The following ADGRL1 variants were observed in gnomAD, a reference collection of about 807,000 sequenced individuals.
ADGRL1 encodes the protein adhesion G protein-coupled receptor L1.
A neutral mutation model predicts 148.9 loss-of-function variants in ADGRL1; 31 were observed. That is an observed-to-expected ratio of 0.21 (90% CI 0.16 to 0.28). ADGRL1 has a LOEUF of 0.28. Ranked by LOEUF, ADGRL1 falls within the 10% of genes least tolerant of loss-of-function variation. The pLI, the probability that ADGRL1 is intolerant of heterozygous loss-of-function variation, is 1.00. For synonymous variants in ADGRL1, 937 were observed against 900.3 expected, an observed-to-expected ratio of 1.04 and a Z score of -0.73; for missense variants, 1,521 against 2,058.8, an observed-to-expected ratio of 0.74 and a Z score of 5.05.
chr19:14,179,744 C>T (rs1789431126), intron 2 of ADGRL1, among the ~76,000 whole-genome samples: 1 of 151,790 alleles, frequency 6.6e-6, no homozygotes, highest in South Asian at 2.1e-4. Flanking sequence ...CCCATCTCTA[C>T]TTAAAAAACT....
chr19:14,193,922 C>T (rs1336913766), intron 1 of ADGRL1, among the ~76,000 whole-genome samples: 5 of 152,216 alleles, frequency 3.3e-5, no homozygotes, highest in Non-Finnish European at 5.9e-5. Context: ...TGATCTTGGA[C>T]TTCCAACCTC....
At chr19:14,192,397 C>T (rs146028819) in intron 1 of ADGRL1, among the ~76,000 whole-genome samples, 5 of 151,904 alleles carry the variant, frequency 3.3e-5, no homozygotes, top group Non-Finnish European at 7.4e-5. Context: ...CACGCCACCA[C>T]GCCTGCCTAA....
chr19:14,166,622 T>G (rs1599437850), intron 4 of ADGRL1, among the ~76,000 whole-genome samples: 1 of 151,102 alleles, frequency 6.6e-6, no homozygotes, highest in Non-Finnish European at 1.5e-5. Context: ...GGTGCCCCAG[T>G]GGGGGAGCCG....
chr19:14,190,599 A>G (rs1391792902), intron 1 of ADGRL1, among the ~76,000 whole-genome samples: 1 of 152,134 alleles, frequency 6.6e-6, no homozygotes, highest in East Asian at 1.9e-4. Flanking sequence ...GAAAGCTTGT[A>G]CCCTTTGACC....
At chr19:14,204,487 G>C (rs1972829459) in intron 1 of ADGRL1, among the ~76,000 whole-genome samples, 2 of 152,050 alleles carry the variant, frequency 1.3e-5, no homozygotes, top group African/African-American at 2.4e-5. Flanking sequence ...TCTGGGGTCA[G>C]GTTAGACTCA....
chr19:14,183,218 C>CGAGAGAGAGAGAGAGAGA (rs1262220395), intron 2 of ADGRL1, among the ~76,000 whole-genome samples: 1 of 124,868 alleles, frequency 8.0e-6, no homozygotes, highest in Non-Finnish European at 1.9e-5. Flanking sequence ...AGAGAGAGAG[C>CGAGAGAGAGAGAGAGAGA]GAGAGAGAGA....
At chr19:14,183,139 C>T (rs1206559637) in intron 2 of ADGRL1, among the ~76,000 whole-genome samples, 2 of 151,668 alleles carry the variant, frequency 1.3e-5, no homozygotes, top group African/African-American at 4.8e-5. Context: ...TAAACGTCAG[C>T]GGGCATGCTT....
Position 14,158,511 on chromosome 19 carries a change from G to A in ADGRL1, c.2191C>T (p.Leu731Phe). ...VVFILYNNLG[L>F]FLSTENATVK... is the part of the protein sequence containing the mutation. ...GTGGCATTCTCCGTGGACAGGAAGA[G>A]GCCCAGGTTGTTGTAGAGGATGAAG... Residue 731 changes from leucine (L) to phenylalanine (F), a missense_variant, in exon 12 of 23, where the codon CTC becomes TTC. Leu to Phe is a conservative substitution (Grantham distance 22, BLOSUM62 0). Transcript: ENST00000361434. 1.2e-6 allele frequency: 2 copies of A among 1,614,094 alleles called. No homozygotes were observed. The highest frequency in any genetic ancestry group is 2.2e-5 in the East Asian group (1 of 44,884).
chr19:14,163,931 C>T (rs1034669099), intron 4 of ADGRL1, among the ~76,000 whole-genome samples: 4 of 150,946 alleles, frequency 2.6e-5, no homozygotes, highest in African/African-American at 9.7e-5. Flanking sequence ...CCTTCACCAA[C>T]CACACCCGGA....
chr19:14,204,067 A>G (rs1303281417), intron 1 of ADGRL1, among the ~76,000 whole-genome samples: 6 of 152,068 alleles, frequency 3.9e-5, no homozygotes, highest in Non-Finnish European at 7.4e-5. Context: ...CCAGCCATGG[A>G]ATTAGTTCCC....
At chr19:14,203,196 G>T (rs897419146) in intron 1 of ADGRL1, among the ~76,000 whole-genome samples, 3 of 152,182 alleles carry the variant, frequency 2.0e-5, no homozygotes, top group Non-Finnish European at 4.4e-5. Context: ...CCCTCCCCCT[G>T]CCTCCCCACA....
At chr19:14,166,623 G>C (rs576619730) in intron 4 of ADGRL1, among the ~76,000 whole-genome samples, 6 of 152,088 alleles carry the variant, frequency 3.9e-5, no homozygotes, top group Non-Finnish European at 8.8e-5. Context: ...GTGCCCCAGT[G>C]GGGGAGCCGG....
At position 14,170,794 on chromosome 19, in the gene ADGRL1, T is replaced by C; in HGVS notation, c.285-3A>G. 1.3e-6 allele frequency: 2 copies of C among 1,491,406 alleles called. No homozygotes were observed. The highest frequency in any genetic ancestry group is 1.9e-6 in the Non-Finnish European group (2 of 1,074,742). The allele number at this position is 1,491,406 out of a possible 1,614,324, so 92.4% of individuals were successfully genotyped here. A position where few individuals can be genotyped will look rare whatever the true frequency, so the allele number is the denominator to read the frequency against. On this transcript the variant is annotated splice_polypyrimidine_tract_variant and splice_region_variant and intron_variant, in intron 3 of 22. Transcript: ENST00000361434. ...CGCACTGGGTGCGGTTGTTACACCT[T>C]CAGAGGAGAAACAGGGCATTGGGAA...
chr19:14,159,780 A>G lies in ADGRL1; in HGVS notation c.1801-7T>C. 2 of 1,613,484 alleles carry G rather than the reference A, an allele frequency of 1.2e-6. No homozygotes were observed. The highest frequency in any genetic ancestry group is 1.3e-5 in the African/African-American group (1 of 75,028). On this transcript the variant is annotated splice_polypyrimidine_tract_variant and splice_region_variant and intron_variant, in intron 8 of 22. Transcript: ENST00000361434. This position sits in a 1 kb window ranked among gnomAD's most constrained non-coding sequence, Gnocchi z 6.0. The stretch of plus-strand genomic sequence containing the variant: ...TTCTCTCTCGCTTGTGCATCTAGAA[A>G]GAGATGGAGGTGATGTCAGGCCAGG...
At position 14,152,413 on chromosome 19, in the gene ADGRL1, G is replaced by C. The variant is rs763936631; in HGVS notation, c.3545C>G (p.Thr1182Ser). ...NRGTMGNHLL[T>S]NPVLQPRGGT... ...CCCACGGGGCTGCAGCACGGGGTTG[G>C]TCAGCAGGTGGTTCCCCATGGTACC... Residue 1182 changes from threonine (T) to serine (S), a missense_variant, in exon 21 of 23, where the codon ACC becomes AGC. Physicochemically the swap from Thr to Ser is moderately conservative, Grantham distance 58. Coordinates refer to ENST00000361434, the MANE Select transcript of ADGRL1 (RefSeq NM_014921.5). This position sits in a 1 kb window ranked among gnomAD's most constrained non-coding sequence, Gnocchi z 6.1. 6.2e-7 allele frequency: 1 copy of C among 1,601,410 alleles called. No individual in the cohort carries two copies. Among genetic ancestry groups the C allele is most frequent in the South Asian group, 1.1e-5 (1 of 89,808 alleles).
intron 1 of ADGRL1, among the ~76,000 whole-genome samples, chr19:14,198,747 C>A (rs1438229395): frequency 6.6e-6 from 1 of 152,134 alleles, no homozygotes; most frequent in Non-Finnish European, 1.5e-5. Context: ...CAGGGCAGCC[C>A]CTCTCTCTCA....
intron 1 of ADGRL1, among the ~76,000 whole-genome samples, chr19:14,194,728 T>A (rs1972150707): frequency 6.6e-6 from 1 of 151,890 alleles, no homozygotes; most frequent in South Asian, 2.1e-4. Context: ...CACACTGTAT[T>A]TGAGTGTCTA....
At chr19:14,201,847 A>AGCGCAGAACATCAGGAAATTACAGACT (rs1972633431) in intron 1 of ADGRL1, among the ~76,000 whole-genome samples, 1 of 152,140 alleles carries the variant, frequency 6.6e-6, no homozygotes, top group Non-Finnish European at 1.5e-5. Flanking sequence ...TAAACAAACA[A>AGCGCAGAACATCAGGAAATTACAGACT]GCGCAGAACA....
At chr19:14,175,633 T>A (rs902420072) in intron 3 of ADGRL1, among the ~76,000 whole-genome samples, 4 of 151,724 alleles carry the variant, frequency 2.6e-5, no homozygotes, top group Admixed American at 2.0e-4. Flanking sequence ...CTCAAAGACA[T>A]GTTTAGTCAC....
Sources: gnomAD v4.1 joint callset for allele counts (sites outside exome capture counted in the v4.1 genomes callset) on GRCh38, gnomAD v4.1.1 for gene constraint, Gnocchi (gnomAD v3.1) non-coding constraint, MANE v1.5 for transcripts, NCBI Gene and HGNC (gene_info 2026-07-23, HGNC 2026-07-21) for gene names.